The following MSRA variants were observed in gnomAD, a reference collection of about 807,000 sequenced individuals.
MSRA encodes methionine sulfoxide reductase A, also known as mitochondrial peptide methionine sulfoxide reductase.
Under a neutral mutation model 31.3 loss-of-function variants are expected in MSRA, and 54 were observed. That is an observed-to-expected ratio of 1.73 (90% CI 1.39 to 2.17). MSRA has a LOEUF of 2.17. Among genes scored for constraint, MSRA ranks in the 30% most tolerant of loss-of-function variants. The probability of loss-of-function intolerance (pLI) is 0.00; values close to 1 mark genes in which losing one functional copy is unlikely to be tolerated. For missense variants in MSRA, 507 were observed against 300.9 expected (o/e 1.69, Z -5.07); for synonymous variants, 169 against 116.5 (o/e 1.45, Z -2.90).
intron 5 of MSRA, among the ~76,000 whole-genome samples, chr8:10,351,171 C>G (rs532049926): frequency 6.8e-6 from 1 of 147,216 alleles, no homozygotes; most frequent in African/African-American, 2.5e-5. Flanking sequence ...CTCATCCATT[C>G]GAGTGAAAAT....
At chr8:10,219,754 C>A (rs1442616426) in intron 2 of MSRA, among the ~76,000 whole-genome samples, 1 of 133,140 alleles carries the variant, frequency 7.5e-6, no homozygotes, top group African/African-American at 2.8e-5. Context: ...TGCAGTGAGC[C>A]AAGATCGCAC....
At chr8:10,329,655 G>A (rs191307833) in intron 5 of MSRA, among the ~76,000 whole-genome samples, 241 of 152,266 alleles carry the variant, frequency 1.6e-3, no homozygotes, top group Non-Finnish European at 1.8e-3. Flanking sequence ...CAACCTGCCA[G>A]TGTCATGTGT....
At chr8:10,328,352 C>T (rs920222832) in intron 5 of MSRA, among the ~76,000 whole-genome samples, 6 of 150,974 alleles carry the variant, frequency 4.0e-5, no homozygotes, top group African/African-American at 1.2e-4. Context: ...CTTTCCCTCG[C>T]CTTTTCCCTC....
At chr8:10,289,328 G>A (rs951046898) in intron 3 of MSRA, among the ~76,000 whole-genome samples, 2 of 151,852 alleles carry the variant, frequency 1.3e-5, no homozygotes, top group Non-Finnish European at 2.9e-5. Context: ...TTTAATTTTT[G>A]TGTGTACATA....
At chr8:10,077,590 T>G (rs1347078161) in intron 1 of MSRA, among the ~76,000 whole-genome samples, 1 of 151,422 alleles carries the variant, frequency 6.6e-6, no homozygotes, top group Non-Finnish European at 1.5e-5. Context: ...CTCTGAGTGT[T>G]GGAATTACAG....
intron 1 of MSRA, among the ~76,000 whole-genome samples, chr8:10,063,042 C>A (rs1013679501): frequency 6.6e-6 from 1 of 152,264 alleles, no homozygotes; most frequent in Admixed American, 6.5e-5. Context: ...AAAGTTCTGC[C>A]CTTCTGTTTC....
chr8:10,284,682 C>T (rs546827091), intron 3 of MSRA, among the ~76,000 whole-genome samples: 3 of 152,116 alleles, frequency 2.0e-5, no homozygotes, highest in Admixed American at 2.0e-4. Context: ...AGTGAAGATT[C>T]TGGAGCTACA....
chr8:10,225,064 G>A (rs1810874037), intron 2 of MSRA, among the ~76,000 whole-genome samples: 2 of 152,182 alleles, frequency 1.3e-5, no homozygotes, highest in South Asian at 4.1e-4. Context: ...CTTGAACCCA[G>A]AGGCAGAGGT....
In MSRA at chr8:10,319,923, G is replaced by C. The variant is rs545952817; in HGVS notation, c.477G>C (p.Ser159=). The change falls in exon 5 of 6, where the codon TCG becomes TCC. Residue 159 remains serine (S), a synonymous_variant. Transcript: ENST00000317173. The part of the protein sequence containing the change: ...QGNDHGTQYR[S]AIYPTSAKQM... Reference sequence around the variant, plus strand: ...ACGACCATGGCACTCAGTACCGCTCGGCCATCTACCCGACCTCTGCCAAGC... The same window carrying C: ...ACGACCATGGCACTCAGTACCGCTCCGCCATCTACCCGACCTCTGCCAAGC... 8.4e-5 allele frequency: 135 copies of C among 1,599,306 alleles called. 3 individuals carry two copies. The South Asian group carries it at 1.5e-3, about 18-fold the overall frequency.
chr8:10,164,340 G>A (rs1436926427), intron 1 of MSRA, among the ~76,000 whole-genome samples: 1 of 152,052 alleles, frequency 6.6e-6, no homozygotes, highest in Non-Finnish European at 1.5e-5. Flanking sequence ...GCTGCGTATC[G>A]CCTGGGGCTG....
chr8:10,258,556 G>A (rs1003559468), intron 3 of MSRA, among the ~76,000 whole-genome samples: 15 of 152,164 alleles, frequency 9.9e-5, no homozygotes, highest in East Asian at 1.9e-4. Flanking sequence ...AAATAAGGCC[G>A]TGTCTGAGGA....
chr8:10,287,501 C>A (rs1799998036), intron 3 of MSRA, among the ~76,000 whole-genome samples: 1 of 152,122 alleles, frequency 6.6e-6, no homozygotes, highest in Non-Finnish European at 1.5e-5. Context: ...CAGGAAAAGT[C>A]CAGTGCAGAG....
intron 1 of MSRA, among the ~76,000 whole-genome samples, chr8:10,072,295 C>T (rs1450735737): frequency 9.4e-6 from 1 of 105,978 alleles, no homozygotes; most frequent in South Asian, 4.0e-4. Context: ...ACAAGACTCC[C>T]TTTCGCAACA....
At chr8:10,294,933 T>G (rs971611723) in intron 3 of MSRA, among the ~76,000 whole-genome samples, 8 of 152,212 alleles carry the variant, frequency 5.3e-5, no homozygotes, top group Admixed American at 1.3e-4. Context: ...GTCTCTGGTA[T>G]GAGAAAAACC....
chr8:10,111,543 C>T (rs755517209), intron 1 of MSRA, among the ~76,000 whole-genome samples: 1 of 152,196 alleles, frequency 6.6e-6, no homozygotes, highest in Admixed American at 6.5e-5. Context: ...GACCATCAGA[C>T]AGGCCTTTTT....
At chr8:10,269,820 G>T (rs2952180) in intron 3 of MSRA, among the ~76,000 whole-genome samples, 12,569 of 152,072 alleles carry the variant, frequency 0.083, 759 homozygotes, top group Admixed American at 0.19. Flanking sequence ...CCCGGCTAAT[G>T]TTTTGTATTT....
At chr8:10,060,140 T>A (rs2128911738) in intron 1 of MSRA, among the ~76,000 whole-genome samples, 1 of 152,280 alleles carries the variant, frequency 6.6e-6, no homozygotes, top group East Asian at 1.9e-4. Flanking sequence ...CTGCTATGCA[T>A]GCCAAATGAT....
intron 1 of MSRA, among the ~76,000 whole-genome samples, chr8:10,196,502 G>T (rs1422940564): frequency 6.6e-6 from 1 of 151,338 alleles, no homozygotes; most frequent in Admixed American, 6.6e-5. Context: ...CAGGAAGCGA[G>T]GCCCCTACAC....
At chr8:10,108,001 C>G (rs536564356) in intron 1 of MSRA, among the ~76,000 whole-genome samples, 6 of 152,308 alleles carry the variant, frequency 3.9e-5, no homozygotes, top group Non-Finnish European at 8.8e-5. Flanking sequence ...ACCAATCACT[C>G]CCATTTCTTT....
Sources: gnomAD v4.1 joint callset for allele counts (sites outside exome capture counted in the v4.1 genomes callset) on GRCh38, gnomAD v4.1.1 for gene constraint, MANE v1.5 for transcripts, NCBI Gene and HGNC (gene_info 2026-07-23, HGNC 2026-07-21) for gene names.